The following RBKS variants were observed in gnomAD, a reference collection of about 807,000 sequenced individuals.
The protein encoded by RBKS is ribokinase.
A neutral mutation model predicts 33.9 loss-of-function variants in RBKS; 33 were observed. That is an observed-to-expected ratio of 0.97 (90% CI 0.74 to 1.30). The LOEUF (loss-of-function observed/expected upper bound fraction) is 1.30. Among genes scored for constraint, RBKS ranks in the 50% most tolerant of loss-of-function variants. The pLI is 0.00. For missense variants in RBKS, 361 were observed against 392.6 expected, an observed-to-expected ratio of 0.92 and a Z score of 0.68; for synonymous variants, 125 against 143.0, an observed-to-expected ratio of 0.87 and a Z score of 0.90.
rs1678319050 is a variant in RBKS, at chr2:27,826,641, C to G, written c.795+926G>C. Among the ~76,000 whole-genome samples, 4 of 152,308 alleles carry G rather than the reference C, an allele frequency of 2.6e-5. No individual in the cohort carries two copies. The South Asian group carries it at 8.3e-4, about 32-fold the overall frequency. ...CAGGATGTTCTCGATCTCTTGACCT[C>G]ATGATCCGCCCACCTCAGCCTCCCA... On this transcript the variant is annotated intron_variant, in intron 7 of 7. Transcript: ENST00000302188.
intron 2 of RBKS, among the ~76,000 whole-genome samples, chr2:27,855,206 G>A (rs573907842): frequency 7.3e-4 from 111 of 152,338 alleles, no homozygotes; most frequent in African/African-American, 2.5e-3. Context: ...TGGTTCTGAA[G>A]GGAAAACAGA....
At chr2:27,791,613 TACACACAC>T (rs59707075) in intron 7 of RBKS, among the ~76,000 whole-genome samples, 1 of 140,966 alleles carries the variant, frequency 7.1e-6, no homozygotes, top group Non-Finnish European at 1.5e-5. Flanking sequence ...ATAATAAATC[TACACACAC>T]ACACACACAC....
At chr2:27,846,478 T>G (rs1219323395) in intron 4 of RBKS, among the ~76,000 whole-genome samples, 1 of 152,222 alleles carries the variant, frequency 6.6e-6, no homozygotes, top group Non-Finnish European at 1.5e-5. Context: ...CCAATTACTA[T>G]TTTAAAAGAT....
intron 1 of RBKS, among the ~76,000 whole-genome samples, chr2:27,888,930 A>G (rs1664624975): frequency 2.0e-5 from 3 of 152,242 alleles, no homozygotes; most frequent in South Asian, 4.1e-4. Flanking sequence ...AACTAGATTC[A>G]ATTTTATGCT....
intron 7 of RBKS, among the ~76,000 whole-genome samples, chr2:27,823,050 C>T (rs1457462406): frequency 6.6e-6 from 1 of 152,190 alleles, no homozygotes; most frequent in Non-Finnish European, 1.5e-5. Flanking sequence ...GTGTGTGTCT[C>T]TGACTATGGA....
rs772920329 is a variant in RBKS at position 27,827,735 on chromosome 2, G to A, written c.627C>T (p.Leu209=). Residue 209 remains leucine, a synonymous_variant, in exon 7 of 8, where the codon CTC becomes CTT. Transcript: ENST00000302188. ...NESEAEILTG[L]TVGSAADAGE... ...CAGCATCTGCAGCGCTGCCCACCGT[G>A]AGGCCAGTTAAAATCTCAGCCTAGA... 9.4e-6 allele frequency: 15 copies of A among 1,603,508 alleles called. No individual in the cohort carries two copies. The highest frequency in any genetic ancestry group is 6.8e-5 in the East Asian group (3 of 44,440).
intron 7 of RBKS, among the ~76,000 whole-genome samples, chr2:27,822,965 T>A (rs1678240112): frequency 6.6e-6 from 1 of 152,238 alleles, no homozygotes; most frequent in Non-Finnish European, 1.5e-5. Flanking sequence ...AGAATTTCAG[T>A]GCTTATAAAG....
intron 1 of RBKS, among the ~76,000 whole-genome samples, chr2:27,887,343 C>A (rs1016126388): frequency 1.5e-4 from 23 of 152,158 alleles, no homozygotes; most frequent in Non-Finnish European, 3.2e-4. Flanking sequence ...GCCCTGCTGA[C>A]ACCTTGATTT....
At position 27,857,414 on chromosome 2, in the gene RBKS, G is replaced by A. The variant is rs1372382445; in HGVS notation, c.222+1025C>T. ...AGCCCATTTATTTTCAAATTATTTC[G>A]GTAGCATGGATAAAAATAGGAATAC... On this transcript the variant is annotated intron_variant, in intron 2 of 7. Transcript: ENST00000302188. 3.3e-5 allele frequency among the ~76,000 whole-genome samples: 5 copies of A among 152,000 alleles called. No homozygotes were observed. In the South Asian group the frequency reaches 8.3e-4, roughly 25 times the overall value.
At chr2:27,786,564 T>TGAGTTCAG (rs1204079004) in intron 7 of RBKS, among the ~76,000 whole-genome samples, 2 of 152,142 alleles carry the variant, frequency 1.3e-5, no homozygotes, top group Non-Finnish European at 2.9e-5. Flanking sequence ...AGGTACATCA[T>TGAGTTCAG]GAGTTCAGGA....
chr2:27,794,547 C>T (rs913744241), intron 7 of RBKS, among the ~76,000 whole-genome samples: 7 of 151,512 alleles, frequency 4.6e-5, no homozygotes, highest in African/African-American at 1.2e-4. Context: ...AGGCAGTTTC[C>T]GTTGTAACCA....
chr2:27,885,409 C>T (rs1025903928), intron 1 of RBKS, among the ~76,000 whole-genome samples: 1 of 152,160 alleles, frequency 6.6e-6, no homozygotes, highest in African/African-American at 2.4e-5. Flanking sequence ...CTCAAATCCT[C>T]CACTAGCTTT....
intron 2 of RBKS, among the ~76,000 whole-genome samples, chr2:27,857,066 T>C (rs1663871561): frequency 6.6e-6 from 1 of 152,232 alleles, no homozygotes; most frequent in Non-Finnish European, 1.5e-5. Context: ...TAATCATAGG[T>C]TAGAAATAAA....
intron 1 of RBKS, among the ~76,000 whole-genome samples, chr2:27,859,088 T>C (rs1663920019): frequency 6.6e-6 from 1 of 152,136 alleles, no homozygotes; most frequent in Non-Finnish European, 1.5e-5. Context: ...TCTTTTTTGT[T>C]TACTAAGGGG....
At chr2:27,889,471 T>G (rs188889891) in intron 1 of RBKS, among the ~76,000 whole-genome samples, 1 of 152,290 alleles carries the variant, frequency 6.6e-6, no homozygotes, top group East Asian at 1.9e-4. Context: ...ATATCTGAAT[T>G]TATTACTAAT....
intron 7 of RBKS, among the ~76,000 whole-genome samples, chr2:27,807,228 C>T (rs1056577859): frequency 2.0e-5 from 3 of 152,182 alleles, no homozygotes; most frequent in Admixed American, 2.0e-4. Flanking sequence ...ACACCTTGCA[C>T]AAATTTACAT....
Position 27,831,859 on chromosome 2 carries a change from G to A in RBKS, c.606+827C>T, listed in dbSNP as rs548322673. 5.3e-5 allele frequency among the ~76,000 whole-genome samples: 8 copies of A among 152,056 alleles called. 1 individual carries two copies. Among genetic ancestry groups the A allele is most frequent in the African/African-American group, 1.9e-4 (8 of 41,400 alleles). On this transcript the variant is annotated intron_variant, in intron 6 of 7. Transcript: ENST00000302188. ...AAACCTGGGAGGTAGAGGCTGCAGT[G>A]AGCCATGATGACACCACTGCATTCC...
intron 7 of RBKS, among the ~76,000 whole-genome samples, chr2:27,823,936 C>T (rs1049106199): frequency 2.8e-4 from 42 of 152,094 alleles, no homozygotes; most frequent in African/African-American, 9.9e-4. Context: ...AAGGGGTATG[C>T]TTTAGTGTTC....
chr2:27,801,962 A>AT lies in RBKS; in HGVS notation c.796-20175_796-20174insA, dbSNP rs1284897753. Among the ~76,000 whole-genome samples, 537 of 60,920 alleles carry AT rather than the reference A, an allele frequency of 8.8e-3. 2 individuals carry two copies. The highest frequency in any genetic ancestry group is 0.011 in the South Asian group (16 of 1,464). 40.0% of individuals were successfully genotyped at this position (60,920 alleles called of 152,430 possible). A position where few individuals can be genotyped will look rare whatever the true frequency, so the allele number is the denominator to read the frequency against. ...CCGAGTAGCTGGGGAAAAAAAAAAA[A>AT]AATATATATATATATATATATATAT... is the stretch of plus-strand genomic sequence containing the variant. On this transcript the variant is annotated intron_variant, in intron 7 of 7. Transcript: ENST00000302188.
Sources: allele counts gnomAD v4.1 joint callset (sites outside exome capture counted in the v4.1 genomes callset), GRCh38; gene constraint gnomAD v4.1.1; transcripts MANE v1.5; gene names NCBI Gene and HGNC (gene_info 2026-07-23, HGNC 2026-07-21).